Variants in EGFLAM observed in about 807,000 individuals in gnomAD.
EGFLAM encodes pikachurin.
Under a neutral mutation model 113.1 loss-of-function variants are expected in EGFLAM, and 79 were observed. That is an observed-to-expected ratio of 0.70 (90% confidence interval 0.58 to 0.84). EGFLAM has a LOEUF of 0.84. Ranked by LOEUF, EGFLAM falls within the 40% of genes least tolerant of loss-of-function variation. The probability of loss-of-function intolerance (pLI) is 0.00; values close to 1 mark genes in which losing one functional copy is unlikely to be tolerated. For missense variants in EGFLAM, 1,265 were observed against 1,291.6 expected, an observed-to-expected ratio of 0.98 and a Z score of 0.32; for synonymous variants, 504 against 487.6, an observed-to-expected ratio of 1.03 and a Z score of -0.44.
intron 20 of EGFLAM, among the ~76,000 whole-genome samples, chr5:38,458,693 T>A (rs1015956324): frequency 6.6e-6 from 1 of 152,226 alleles, no homozygotes; most frequent in Non-Finnish European, 1.5e-5. Context: ...CTTTAAAGAA[T>A]GTTTGGGCCG....
chr5:38,281,502 TTC>T (rs1758020454), intron 1 of EGFLAM, among the ~76,000 whole-genome samples: 1 of 152,224 alleles, frequency 6.6e-6, no homozygotes. Flanking sequence ...CATTCTGTGT[TTC>T]TGTTTGCTAA....
Position 38,425,062 on chromosome 5 carries a change from C to T in EGFLAM, c.1780C>T (p.Leu594Phe). Reference sequence around the variant, plus strand: ...CGACTCCTACATTTGCCTCTGTCCCCTTGGGTTTAAAGGTCGACACTGTGA... The same window carrying T: ...CGACTCCTACATTTGCCTCTGTCCCTTTGGGTTTAAAGGTCGACACTGTGA... ...KADSYICLCP[L>F]GFKGRHCEDA... The change falls in exon 13 of 22, where the codon CTT becomes TTT. Residue 594 changes from leucine to phenylalanine, a missense_variant. Physicochemically the swap from Leu to Phe is conservative, Grantham distance 22. Transcript: ENST00000322350. 6.2e-7 allele frequency: 1 copy of T among 1,614,022 alleles called. No homozygotes were observed. The highest frequency in any genetic ancestry group is 8.5e-7 in the Non-Finnish European group (1 of 1,179,948).
chr5:38,322,023 T>C (rs1293119346), intron 1 of EGFLAM, among the ~76,000 whole-genome samples: 1 of 152,208 alleles, frequency 6.6e-6, no homozygotes, highest in African/African-American at 2.4e-5. Flanking sequence ...GAATATCCAC[T>C]TCAAGAGGAG....
At chr5:38,308,921 A>G (rs1462447528) in intron 1 of EGFLAM, among the ~76,000 whole-genome samples, 1 of 152,236 alleles carries the variant, frequency 6.6e-6, no homozygotes, top group Non-Finnish European at 1.5e-5. Flanking sequence ...GGCTCTGACT[A>G]GCTAGGAATC....
At chr5:38,462,353 G>A (rs1743311090) in intron 20 of EGFLAM, among the ~76,000 whole-genome samples, 1 of 152,044 alleles carries the variant, frequency 6.6e-6, no homozygotes, top group South Asian at 2.1e-4. Context: ...TCCCTGGCCC[G>A]CTGTCACCTT....
At position 38,427,129 on chromosome 5, in the gene EGFLAM, A is replaced by T; in HGVS notation, c.1931A>T (p.Asp644Val). ...FMEFEITFRP[D>V]SGDGVLLYSY... The stretch of plus-strand genomic sequence containing the variant: ...GAATTTGAGATCACATTTCGGCCAG[A>T]CTCAGGAGATGGTGTCCTCCTGTAC... The change falls in exon 14 of 22, where the codon GAC (aspartate) becomes GTC (valine). Residue 644 changes from aspartate (D) to valine (V), a missense_variant. By Grantham distance (152) the Asp-to-Val change is radical (BLOSUM62 -3). Coordinates refer to ENST00000322350, the MANE Select transcript of EGFLAM (RefSeq NM_152403.4). The T allele has an allele frequency of 6.2e-7, 1 of 1,614,084 alleles. No homozygotes were observed. Among genetic ancestry groups the T allele is most frequent in the Non-Finnish European group, 8.5e-7 (1 of 1,180,010 alleles).
chr5:38,278,969 A>T lies in EGFLAM; in HGVS notation c.97+20118A>T, dbSNP rs559856039. On this transcript the variant is annotated intron_variant, in intron 1 of 21. Coordinates refer to ENST00000322350, the MANE Select transcript of EGFLAM (RefSeq NM_152403.4). ...AAAATATTTGCAAACTATATATCTG[A>T]TAAGGGGCTAATATCCAAAATATAT... Among the ~76,000 whole-genome samples the T allele has an allele frequency of 3.1e-4, 47 of 152,318 alleles. 1 individual carries two copies. The highest frequency in any genetic ancestry group is 2.5e-3 in the Admixed American group (38 of 15,298).
At chr5:38,361,446 T>C (rs1024002927) in intron 5 of EGFLAM, among the ~76,000 whole-genome samples, 4 of 152,218 alleles carry the variant, frequency 2.6e-5, no homozygotes, top group African/African-American at 4.8e-5. Flanking sequence ...ATATAGGACA[T>C]AGCACTGTGA....
chr5:38,370,379 C>A lies in EGFLAM; in HGVS notation c.629C>A (p.Thr210Asn). The change falls in exon 6 of 22, where the codon ACC becomes AAC. Residue 210 changes from threonine to asparagine, a missense_variant. Physicochemically the swap from Thr to Asn is moderately conservative, Grantham distance 65. Coordinates refer to ENST00000322350, the MANE Select transcript of EGFLAM (RefSeq NM_152403.4). ...SMVIKGLDPD[T>N]NYQFAVRAMN... ...GTTATCAAGGGCCTCGATCCAGATA[C>A]CAACTACCAGTTTGCCGTGAGGGCA... The A allele has an allele frequency of 6.2e-7, 1 of 1,614,194 alleles. No homozygotes were observed. Among genetic ancestry groups the A allele is most frequent in the Non-Finnish European group, 8.5e-7 (1 of 1,180,040 alleles).
intron 14 of EGFLAM, among the ~76,000 whole-genome samples, chr5:38,428,113 T>G (rs1338439345): frequency 6.6e-6 from 1 of 152,238 alleles, no homozygotes; most frequent in Non-Finnish European, 1.5e-5. Context: ...TCGTCTTTTT[T>G]GAAACTCACT....
At chr5:38,415,110 C>CCATT (rs1741600041) in intron 11 of EGFLAM, among the ~76,000 whole-genome samples, 3 of 151,494 alleles carry the variant, frequency 2.0e-5, no homozygotes, top group African/African-American at 7.3e-5. Flanking sequence ...GCCTCCAATA[C>CCATT]CATTACTTTG....
At chr5:38,359,115 CT>C (rs1276389510) in intron 5 of EGFLAM, among the ~76,000 whole-genome samples, 6 of 152,232 alleles carry the variant, frequency 3.9e-5, no homozygotes, top group Admixed American at 6.5e-5. Context: ...GGGTAAGTGC[CT>C]TTCTCATAAG....
At chr5:38,356,924 G>A (rs1012451286) in intron 5 of EGFLAM, among the ~76,000 whole-genome samples, 1 of 152,172 alleles carries the variant, frequency 6.6e-6, no homozygotes, top group Admixed American at 6.5e-5. Flanking sequence ...CCAAGGCGAT[G>A]GTATTAGGAT....
intron 6 of EGFLAM, among the ~76,000 whole-genome samples, chr5:38,399,094 T>C (rs997255718): frequency 6.6e-6 from 1 of 152,198 alleles, no homozygotes; most frequent in African/African-American, 2.4e-5. Context: ...AACTCCCTTC[T>C]GTCCAGTCCA....
Position 38,407,081 on chromosome 5 carries a change from A to AGCC in EGFLAM, c.1082_1083insGCC (p.Asp361delinsGluPro), listed in dbSNP as rs1561073276. On this transcript the variant is annotated protein_altering_variant, in exon 8 of 22. Transcript: ENST00000322350. Reference sequence around the variant, plus strand: ...TCTGCTGACAGCTTCTGTGTCAATGACTACACCTGGGGGGGCTCGCGATGC... The same window carrying AGCC: ...TCTGCTGACAGCTTCTGTGTCAATGAGCCCTACACCTGGGGGGGCTCGCGATGC... 1 of 1,614,072 alleles carries AGCC rather than the reference A, an allele frequency of 6.2e-7. No homozygotes were observed.
chr5:38,377,908 T>G (rs1338863026), intron 6 of EGFLAM, among the ~76,000 whole-genome samples: 4 of 152,202 alleles, frequency 2.6e-5, no homozygotes, highest in Non-Finnish European at 5.9e-5. Flanking sequence ...ATTTTACCCC[T>G]GGGTTCTTAC....
At chr5:38,367,457 C>T (rs1334046783) in intron 5 of EGFLAM, among the ~76,000 whole-genome samples, 1 of 151,604 alleles carries the variant, frequency 6.6e-6, no homozygotes, top group African/African-American at 2.4e-5. Flanking sequence ...CACTATGTTG[C>T]CCAGGCTGGT....
chr5:38,311,217 T>C (rs183812768), intron 1 of EGFLAM, among the ~76,000 whole-genome samples: 1 of 152,292 alleles, frequency 6.6e-6, no homozygotes, highest in East Asian at 1.9e-4. Context: ...GGTGAGAACA[T>C]TTCAAATCTA....
rs1400487220 is a variant in EGFLAM, at chr5:38,464,218, G to A, written c.*232G>A. On this transcript the variant is annotated 3_prime_UTR_variant, in exon 22 of 22. Coordinates refer to ENST00000322350, the MANE Select transcript of EGFLAM (RefSeq NM_152403.4). ...CAGAATTCTCTGTGTAGGAAGCATC[G>A]GACTTTGTCCATTGAATATGTAGCG... The A allele has an allele frequency of 5.4e-5, 29 of 534,784 alleles. No homozygotes were observed. The Middle Eastern group carries it at 1.5e-3, about 27-fold the overall frequency. 33.1% of individuals were successfully genotyped at this position (534,784 alleles called of 1,614,324 possible).
Sources: allele counts gnomAD v4.1 joint callset (sites outside exome capture counted in the v4.1 genomes callset), GRCh38; gene constraint gnomAD v4.1.1; transcripts MANE v1.5; gene names NCBI Gene and HGNC (gene_info 2026-07-23, HGNC 2026-07-21).